The following KDM1A variants were observed in gnomAD, a reference collection of about 807,000 sequenced individuals.
KDM1A encodes lysine demethylase 1A.
Under a neutral mutation model 109.4 loss-of-function variants are expected in KDM1A, and 49 were observed. That is an observed-to-expected ratio of 0.45 (90% CI 0.36 to 0.57). KDM1A has a LOEUF of 0.57. KDM1A is among the 20% of genes least tolerant of loss of function. The pLI, the probability that KDM1A is intolerant of heterozygous loss-of-function variation, is 0.00. For synonymous variants in KDM1A, 380 were observed against 415.4 expected (o/e 0.91, Z 1.04); for missense variants, 668 against 1,116.6 (o/e 0.60, Z 5.73).
At chr1:23,023,629 T>C (rs943210114) in intron 1 of KDM1A, among the ~76,000 whole-genome samples, 3 of 152,218 alleles carry the variant, frequency 2.0e-5, no homozygotes, top group African/African-American at 7.2e-5. Flanking sequence ...TAGGAAGTGT[T>C]CCTCAACTTT....
intron 2 of KDM1A, among the ~76,000 whole-genome samples, chr1:23,037,042 C>G (rs1012534578): frequency 1.3e-5 from 2 of 151,586 alleles, no homozygotes; most frequent in Admixed American, 1.3e-4. Context: ...TTAGGGAGGC[C>G]GAGGCAAGGG....
chr1:23,077,224 T>C lies in KDM1A; in HGVS notation c.1735-4T>C. 6.2e-7 allele frequency: 1 copy of C among 1,613,374 alleles called. No homozygotes were observed. Among genetic ancestry groups the C allele is most frequent in the Non-Finnish European group, 8.5e-7 (1 of 1,179,510 alleles). On this transcript the variant is annotated splice_polypyrimidine_tract_variant and splice_region_variant and intron_variant, in intron 15 of 20. Coordinates refer to ENST00000400181, the MANE Select transcript of KDM1A (RefSeq NM_001009999.3). ...GGAAATATGTTCTTTTCTCTCCTCTTTAGGATGATGACTTTGAGTTCACTG... is the reference window on the plus strand; with the variant it reads ...GGAAATATGTTCTTTTCTCTCCTCTCTAGGATGATGACTTTGAGTTCACTG...
rs1319480409 is a variant in KDM1A at position 23,019,826 on chromosome 1, C to G, written c.230C>G (p.Pro77Arg). Residue 77 changes from proline to arginine, a missense_variant, in exon 1 of 21, where the codon CCG becomes CGG. Physicochemically the swap from Pro to Arg is moderately radical, Grantham distance 103. Coordinates refer to ENST00000400181, the MANE Select transcript of KDM1A (RefSeq NM_001009999.3). ...RASPPGGLAE[P>R]PGSAGPQAGP... ...TCGCCCCCCGGGGGCCTGGCGGAAC[C>G]GCCGGGGTCCGCAGGGCCTCAGGCC... 7.7e-6 allele frequency: 11 copies of G among 1,430,114 alleles called. No individual in the cohort carries two copies. In the African/African-American group the frequency reaches 1.7e-4, roughly 22 times the overall value. 88.6% of individuals were successfully genotyped at this position (1,430,114 alleles called of 1,614,324 possible). A position where few individuals can be genotyped will look rare whatever the true frequency, so the allele number is the denominator to read the frequency against.
intron 20 of KDM1A, chr1:23,082,698 C>T (rs946515363): frequency 4.5e-6 from 1 of 221,812 alleles, no homozygotes; most frequent in Non-Finnish European, 8.9e-6. Flanking sequence ...GTCTCAATTA[C>T]TAGGGGCTTC....
chr1:23,053,522 A>G (rs1348218262), intron 4 of KDM1A, among the ~76,000 whole-genome samples: 1 of 152,088 alleles, frequency 6.6e-6, no homozygotes, highest in Non-Finnish European at 1.5e-5. Flanking sequence ...AGTAGCTGGG[A>G]CTACAGGCAT....
chr1:23,074,741 G>C (rs1311105761), intron 15 of KDM1A, among the ~76,000 whole-genome samples: 1 of 152,188 alleles, frequency 6.6e-6, no homozygotes, highest in Non-Finnish European at 1.5e-5. Context: ...TTTAAGGAAA[G>C]GTAAGTGAAG....
chr1:23,065,327 A>C (rs1240362998), intron 9 of KDM1A, among the ~76,000 whole-genome samples: 3 of 152,340 alleles, frequency 2.0e-5, no homozygotes, highest in Admixed American at 2.0e-4. Context: ...GGATATGTCA[A>C]ATAGAATATT....
chr1:23,028,380 A>G (rs1386125286), intron 1 of KDM1A, among the ~76,000 whole-genome samples: 3 of 152,218 alleles, frequency 2.0e-5, no homozygotes, highest in Admixed American at 6.5e-5. Flanking sequence ...GGGCCTGTAA[A>G]GATTGCAGTT....
At chr1:23,027,179 A>G (rs1244931150) in intron 1 of KDM1A, among the ~76,000 whole-genome samples, 1 of 152,102 alleles carries the variant, frequency 6.6e-6, no homozygotes, top group Non-Finnish European at 1.5e-5. Flanking sequence ...TAAAATTTAT[A>G]ACATTTATTT....
At chr1:23,075,618 A>G (rs561606605) in intron 15 of KDM1A, among the ~76,000 whole-genome samples, 247 of 150,976 alleles carry the variant, frequency 1.6e-3, no homozygotes, top group Non-Finnish European at 2.8e-3. Context: ...TTTTATTTAT[A>G]TATTTTAGTT....
rs780178707 is a variant in KDM1A, at chr1:23,081,556, A to G, written c.2281A>G (p.Ser761Gly). ...CLAILKGIFGSSAVPQPKETV... is the reference protein window; with the variant it reads ...CLAILKGIFGGSAVPQPKETV... ...GGCCATTCTCAAAGGGATTTTTGGT[A>G]GCAGTGCAGTACCTCAGGTAAGTAG... Residue 761 changes from serine to glycine, a missense_variant, in exon 19 of 21, where the codon AGC (serine) becomes GGC (glycine). Ser to Gly is a moderately conservative substitution (Grantham distance 56). Around this residue, in one of 8 missense-constraint regions of KDM1A, gnomAD observed 162 missense variants for 376.4 expected, o/e 0.43. Coordinates refer to ENST00000400181, the MANE Select transcript of KDM1A (RefSeq NM_001009999.3). 1 of 1,614,184 alleles carries G rather than the reference A, an allele frequency of 6.2e-7. No individual in the cohort carries two copies. Among genetic ancestry groups the G allele is most frequent in the Admixed American group, 1.7e-5 (1 of 60,026 alleles).
intron 3 of KDM1A, among the ~76,000 whole-genome samples, chr1:23,050,156 T>C (rs1642623484): frequency 6.6e-6 from 1 of 152,244 alleles, no homozygotes; most frequent in Non-Finnish European, 1.5e-5. Context: ...ACAAAGAAAC[T>C]ATTTTAAATG....
At position 23,057,485 on chromosome 1, in the gene KDM1A, A is replaced by G; in HGVS notation, c.992A>G (p.Asp331Gly). ...TTGGCTACTTAATTTCTGAAACAGGATCGTGTGGGTGGACGAGTTGCCACA... is the reference window on the plus strand; with the variant it reads ...TTGGCTACTTAATTTCTGAAACAGGGTCGTGTGGGTGGACGAGTTGCCACA... ...GMDVTLLEAR[D>G]RVGGRVATFR... Residue 331 changes from aspartate (D) to glycine (G), a missense_variant and splice_region_variant, in exon 8 of 21, where the codon GAT becomes GGT. This residue lies in a region of KDM1A where 53 missense variants were observed against 122.5 expected (regional missense o/e 0.43). Transcript: ENST00000400181. The G allele has an allele frequency of 6.2e-7, 1 of 1,613,568 alleles. No homozygotes were observed.
chr1:23,067,671 G>GCTTGC (rs1196820782), intron 10 of KDM1A, among the ~76,000 whole-genome samples: 2 of 152,202 alleles, frequency 1.3e-5, no homozygotes, highest in Non-Finnish European at 2.9e-5. Flanking sequence ...AACAAGTAAT[G>GCTTGC]CTTGCCTTAA....
At position 23,041,913 on chromosome 1, in the gene KDM1A, G is replaced by A. The variant is rs148269778; in HGVS notation, c.518-2514G>A. 1.2e-3 allele frequency among the ~76,000 whole-genome samples: 185 copies of A among 151,998 alleles called. 2 individuals are homozygous for A. Among genetic ancestry groups the A allele is most frequent in the African/African-American group, 4.1e-3 (170 of 41,426 alleles). ...ACCAGAAGACAAAAAAGACTGCCTC[G>A]TTGCCCTTTTGTCCTGGTTAACCTA... On this transcript the variant is annotated intron_variant, in intron 2 of 20. Coordinates refer to ENST00000400181, the MANE Select transcript of KDM1A (RefSeq NM_001009999.3).
chr1:23,020,000 A>C lies in KDM1A; in HGVS notation c.351+53A>C, dbSNP rs1259778422. ...CACCGCCTGGTGCCGAGCTTCCCCG[A>C]GGCTTCTCCGCCCTCCCCCGCCGCC... On this transcript the variant is annotated intron_variant, in intron 1 of 20. Coordinates refer to ENST00000400181, the MANE Select transcript of KDM1A (RefSeq NM_001009999.3). 4 of 1,411,288 alleles carry C rather than the reference A, an allele frequency of 2.8e-6. No homozygotes were observed. The East Asian group carries it at 9.0e-5, about 32-fold the overall frequency. The allele number at this position is 1,411,288 out of a possible 1,614,324, so 87.4% of individuals were successfully genotyped here. A position where few individuals can be genotyped will look rare whatever the true frequency, so the allele number is the denominator to read the frequency against.
chr1:23,032,680 T>C (rs942439658), intron 2 of KDM1A, among the ~76,000 whole-genome samples: 42 of 152,246 alleles, frequency 2.8e-4, no homozygotes, highest in East Asian at 2.7e-3. Flanking sequence ...GTACTTTCCC[T>C]AGAAAAAAGT....
intron 2 of KDM1A, among the ~76,000 whole-genome samples, chr1:23,036,549 A>G (rs1167405078): frequency 6.8e-6 from 1 of 146,006 alleles, no homozygotes; most frequent in East Asian, 2.0e-4. Context: ...GGGCTGAGGG[A>G]AGAAAGTGAC....
chr1:23,031,696 G>A (rs923965373), intron 2 of KDM1A, among the ~76,000 whole-genome samples: 1 of 152,060 alleles, frequency 6.6e-6, no homozygotes, highest in Admixed American at 6.6e-5. Flanking sequence ...GCTTATCAAA[G>A]TCTGGCTAAA....
Sources: gnomAD v4.1 joint callset for allele counts (sites outside exome capture counted in the v4.1 genomes callset) on GRCh38, gnomAD v4.1.1 for gene constraint, gnomAD v4.1.1 regional missense constraint, MANE v1.5 for transcripts, NCBI Gene and HGNC (gene_info 2026-07-23, HGNC 2026-07-21) for gene names.